Variants in SND1 observed in about 807,000 individuals in gnomAD.
SND1 encodes the protein staphylococcal nuclease and tudor domain containing 1.
A neutral mutation model predicts 121.7 loss-of-function variants in SND1; 38 were observed. The ratio of observed to expected loss-of-function variants is 0.31; its 90% CI spans 0.24 to 0.41. The LOEUF (loss-of-function observed/expected upper bound fraction) is 0.41. SND1 is among the 10% of genes least tolerant of loss of function. The pLI, the probability that SND1 is intolerant of heterozygous loss-of-function variation, is 1.00. For missense variants in SND1, 868 were observed against 1,184.6 expected (o/e 0.73, Z 3.92); for synonymous variants, 401 against 447.4 (o/e 0.90, Z 1.31).
intron 12 of SND1, among the ~76,000 whole-genome samples, chr7:127,859,677 A>C (rs1799343775): frequency 6.6e-6 from 1 of 152,206 alleles, no homozygotes; most frequent in Non-Finnish European, 1.5e-5. Flanking sequence ...ACTTACAAAA[A>C]ATAGTGATGC....
chr7:127,833,735 A>G (rs1197052845), intron 11 of SND1, among the ~76,000 whole-genome samples: 1 of 152,168 alleles, frequency 6.6e-6, no homozygotes, highest in Non-Finnish European at 1.5e-5. Context: ...TTACCTTCTT[A>G]TTCAATTTTA....
At chr7:127,689,604 T>C (rs1795876501) in intron 2 of SND1, among the ~76,000 whole-genome samples, 1 of 152,214 alleles carries the variant, frequency 6.6e-6, no homozygotes, top group Non-Finnish European at 1.5e-5. Flanking sequence ...GGTGAAAGGA[T>C]ACTGTGTAAT....
intron 1 of SND1, among the ~76,000 whole-genome samples, chr7:127,664,993 G>GT (rs1348484893): frequency 6.6e-6 from 1 of 152,122 alleles, no homozygotes; most frequent in Non-Finnish European, 1.5e-5. Flanking sequence ...GAGAACACTT[G>GT]TTTTTTAGAG....
chr7:127,683,798 A>G lies in SND1; in HGVS notation c.79-2815A>G, dbSNP rs145200824. 9.4e-4 allele frequency among the ~76,000 whole-genome samples: 143 copies of G among 152,344 alleles called. 1 individual carries two copies. Among genetic ancestry groups the G allele is most frequent in the Middle Eastern group, 3.4e-3 (1 of 294 alleles). ...TGGTGACAGCTGCTTGAATTCATAT[A>G]TTCAATGGTATAAAAGGTGTAGAGA... On this transcript the variant is annotated intron_variant, in intron 1 of 23. Coordinates refer to ENST00000354725, the MANE Select transcript of SND1 (RefSeq NM_014390.4).
At chr7:127,858,712 T>G (rs1032746065) in intron 12 of SND1, among the ~76,000 whole-genome samples, 2 of 152,208 alleles carry the variant, frequency 1.3e-5, no homozygotes, top group African/African-American at 4.8e-5. Flanking sequence ...GGACGTCTTT[T>G]TCCTTTCTGA....
intron 3 of SND1, among the ~76,000 whole-genome samples, chr7:127,697,876 C>A (rs534134108): frequency 3.9e-4 from 60 of 152,268 alleles, no homozygotes; most frequent in African/African-American, 1.4e-3. Flanking sequence ...GCTGACATTA[C>A]CTATCAGTTA....
chr7:128,087,507 C>A (rs1418546997), intron 21 of SND1, among the ~76,000 whole-genome samples: 2 of 152,114 alleles, frequency 1.3e-5, no homozygotes, highest in African/African-American at 4.8e-5. Flanking sequence ...AACAGAGGGA[C>A]TAGAATGAAT....
intron 15 of SND1, among the ~76,000 whole-genome samples, chr7:127,936,606 G>A (rs1801067107): frequency 1.3e-5 from 2 of 151,898 alleles, no homozygotes; most frequent in African/African-American, 4.8e-5. Flanking sequence ...ACAGTGCAGT[G>A]GCCCCATCAT....
chr7:127,715,950 A>G (rs1377034830), intron 9 of SND1, among the ~76,000 whole-genome samples: 1 of 152,188 alleles, frequency 6.6e-6, no homozygotes, highest in Non-Finnish European at 1.5e-5. Context: ...TAGTTTTCTT[A>G]GGACCATTTG....
intron 11 of SND1, among the ~76,000 whole-genome samples, chr7:127,836,128 T>C (rs532697039): frequency 2.6e-5 from 4 of 152,296 alleles, no homozygotes; most frequent in African/African-American, 7.2e-5. Context: ...ATGGACGCCA[T>C]ATTCAGCTGT....
At chr7:127,989,758 C>T (rs1396368595) in intron 15 of SND1, among the ~76,000 whole-genome samples, 1 of 152,190 alleles carries the variant, frequency 6.6e-6, no homozygotes, top group East Asian at 1.9e-4. Flanking sequence ...AGCCCAGTTC[C>T]ACTTTTTGTG....
chr7:127,679,489 A>C (rs574411316), intron 1 of SND1, among the ~76,000 whole-genome samples: 1 of 152,326 alleles, frequency 6.6e-6, no homozygotes, highest in Non-Finnish European at 1.5e-5. Flanking sequence ...TTTAAAGTAT[A>C]TAATTCAGTG....
At chr7:127,753,645 T>G (rs539808052) in intron 10 of SND1, among the ~76,000 whole-genome samples, 1 of 152,136 alleles carries the variant, frequency 6.6e-6, no homozygotes, top group Non-Finnish European at 1.5e-5. Flanking sequence ...TTTTGATACT[T>G]TGGCAGAAAA....
At chr7:127,835,192 G>A (rs1020876022) in intron 11 of SND1, among the ~76,000 whole-genome samples, 16 of 152,118 alleles carry the variant, frequency 1.1e-4, no homozygotes, top group Non-Finnish European at 2.2e-4. Context: ...AAGCCATTAA[G>A]CAAGTCTCCT....
chr7:127,891,149 C>T (rs1800003073), intron 13 of SND1, among the ~76,000 whole-genome samples: 1 of 152,052 alleles, frequency 6.6e-6, no homozygotes, highest in Admixed American at 6.6e-5. Flanking sequence ...GATCAGAATG[C>T]TTGCTAGATA....
chr7:127,978,364 C>T (rs1802177388), intron 15 of SND1, among the ~76,000 whole-genome samples: 1 of 152,160 alleles, frequency 6.6e-6, no homozygotes, highest in African/African-American at 2.4e-5. Context: ...CAAAGGACTT[C>T]TTCACAAGAA....
In SND1 at chr7:127,702,529, C is replaced by T. The variant is rs1216201534; in HGVS notation, c.681+3C>T. 1 of 1,613,036 alleles carries T rather than the reference C, an allele frequency of 6.2e-7. No homozygotes were observed. Among genetic ancestry groups the T allele is most frequent in the African/African-American group, 1.3e-5 (1 of 75,012 alleles). On this transcript the variant is annotated splice_donor_region_variant and intron_variant, in intron 6 of 23. Coordinates refer to ENST00000354725, the MANE Select transcript of SND1 (RefSeq NM_014390.4). The stretch of plus-strand genomic sequence containing the variant: ...CAGTCATGCTGTCAGGCATCAAGGT[C>T]AGACCATACTCTTGGCTACGTGGTG...
At chr7:128,030,390 T>C (rs911544162) in intron 16 of SND1, 2 of 1,613,936 alleles carry the variant, frequency 1.2e-6, no homozygotes, top group Admixed American at 3.3e-5. Flanking sequence ...GATGTTGTTC[T>C]CCATGAGGTT....
chr7:127,842,137 C>T (rs939833405), intron 11 of SND1, among the ~76,000 whole-genome samples: 1 of 152,138 alleles, frequency 6.6e-6, no homozygotes, highest in South Asian at 2.1e-4. Context: ...AGGATTTTAA[C>T]GGTGCTCACT....
Sources: gnomAD v4.1 joint callset for allele counts (sites outside exome capture counted in the v4.1 genomes callset) on GRCh38, gnomAD v4.1.1 for gene constraint, MANE v1.5 for transcripts, NCBI Gene and HGNC (gene_info 2026-07-23, HGNC 2026-07-21) for gene names.